The following LRP8 variants were observed in gnomAD, a reference collection of about 807,000 sequenced individuals.
LRP8 encodes the protein LDL receptor related protein 8, also known as low-density lipoprotein receptor-related protein 8.
A neutral mutation model predicts 111.6 loss-of-function variants in LRP8; 46 were observed. The ratio of observed to expected loss-of-function variants is 0.41; its 90% CI spans 0.33 to 0.53. LRP8 has a LOEUF of 0.53. Ranked by LOEUF, LRP8 falls within the 20% of genes least tolerant of loss-of-function variation. The pLI is 0.20. For missense variants in LRP8, 959 were observed against 1,297.4 expected (o/e 0.74, Z 4.01); for synonymous variants, 464 against 511.2 (o/e 0.91, Z 1.24).
In LRP8 at chr1:53,279,629, G is replaced by T. The variant is rs1004070846; in HGVS notation, c.496+958C>A. 6.6e-6 allele frequency among the ~76,000 whole-genome samples: 1 copy of T among 152,214 alleles called. No homozygotes were observed. The highest frequency in any genetic ancestry group is 2.4e-5 in the African/African-American group (1 of 41,452). On this transcript the variant is annotated intron_variant, in intron 4 of 18. Coordinates refer to ENST00000306052, the MANE Select transcript of LRP8 (RefSeq NM_004631.5). This position sits in a 1 kb window ranked among gnomAD's most constrained non-coding sequence, Gnocchi z 4.4. Reference sequence around the variant, plus strand: ...TGACGACTCAGACACCTCTGGAGGAGATGGCATTTTCCCTGGGCCAGGAAA... The same window carrying T: ...TGACGACTCAGACACCTCTGGAGGATATGGCATTTTCCCTGGGCCAGGAAA...
In LRP8 at chr1:53,275,164, C is replaced by T. The variant is rs943493649; in HGVS notation, c.1006+467G>A. 6.6e-6 allele frequency among the ~76,000 whole-genome samples: 1 copy of T among 152,194 alleles called. No homozygotes were observed. Among genetic ancestry groups the T allele is most frequent in the Non-Finnish European group, 1.5e-5 (1 of 68,024 alleles). On this transcript the variant is annotated intron_variant, in intron 6 of 18. Coordinates refer to ENST00000306052, the MANE Select transcript of LRP8 (RefSeq NM_004631.5). The surrounding 1 kb of genome is among the most constrained non-coding windows in gnomAD (Gnocchi z 4.4). ...TGGGGGGACTTTGCCCCATGGACCC[C>T]GGATAGGGGAAGTTGCTACACTGCC...
chr1:53,320,014 C>T, intron 2 of LRP8, among the ~76,000 whole-genome samples: 1 of 152,282 alleles, frequency 6.6e-6, no homozygotes, highest in East Asian at 1.9e-4. Flanking sequence ...AGCGGGGCCA[C>T]CCGGGGCAAG....
chr1:53,255,044 A>C, intron 16 of LRP8, 73 bp downstream of exon 16: 1 of 1,495,050 alleles, frequency 6.7e-7, no homozygotes, highest in East Asian at 2.3e-5. Context: ...CAAGTTCTCT[A>C]CCCTGCTAGC....
At position 53,326,932 on chromosome 1, in the gene LRP8, G is replaced by A. The variant is rs1255303835; in HGVS notation, c.185C>T (p.Ser62Phe). ...FQCRNERCIPSVWRCDEDDDC... is the reference protein window; with the variant it reads ...FQCRNERCIPFVWRCDEDDDC... ...ATCGTCCTCGTCGCATCTCCACACA[G>A]AGGGGATGCAGCGCTCGTTCCGGCA... The change falls in exon 2 of 19, where the codon TCT becomes TTT. Residue 62 changes from serine (S) to phenylalanine (F), a missense_variant. This residue lies in a region of LRP8 where 97 missense variants were observed against 107.5 expected (regional missense o/e 0.90). Transcript: ENST00000306052. The A allele has an allele frequency of 6.2e-7, 1 of 1,613,966 alleles. No individual in the cohort carries two copies. Among genetic ancestry groups the A allele is most frequent in the Non-Finnish European group, 8.5e-7 (1 of 1,179,998 alleles).
chr1:53,274,775 T>A (rs1646866590), intron 6 of LRP8: 1 of 456,320 alleles, frequency 2.2e-6, no homozygotes, highest in East Asian at 7.0e-5. Flanking sequence ...GTCCACGCGC[T>A]TGCCACTCTT....
chr1:53,315,010 G>A (rs1018380131), intron 2 of LRP8, among the ~76,000 whole-genome samples: 2 of 152,194 alleles, frequency 1.3e-5, no homozygotes, highest in Non-Finnish European at 2.9e-5. Flanking sequence ...CCATGTCACA[G>A]GCCTGTGTCC....
chr1:53,319,016 A>C (rs11206142), intron 2 of LRP8, among the ~76,000 whole-genome samples: 5,215 of 152,250 alleles, frequency 0.034, 271 homozygotes, highest in African/African-American at 0.11. Context: ...GAAGTTACTT[A>C]CCCTGGAAAA....
At chr1:53,251,072 A>G (rs1250718875) in intron 16 of LRP8, among the ~76,000 whole-genome samples, 1 of 152,188 alleles carries the variant, frequency 6.6e-6, no homozygotes. Context: ...TTCAAATGTG[A>G]AGTCTTCCCC....
chr1:53,282,950 G>A (rs981532174), intron 3 of LRP8, among the ~76,000 whole-genome samples: 6 of 152,178 alleles, frequency 3.9e-5, no homozygotes, highest in Admixed American at 1.3e-4. Context: ...CCTCTCAAGG[G>A]AGGGGGAGGG....
At chr1:53,274,831 G>A (rs766352850) in intron 6 of LRP8, 33 of 456,186 alleles carry the variant, frequency 7.2e-5, no homozygotes, top group Admixed American at 1.2e-4. Context: ...CTGTTGGGCC[G>A]GACAAGAGAG....
intron 2 of LRP8, among the ~76,000 whole-genome samples, chr1:53,313,065 T>C (rs1653295512): frequency 6.6e-6 from 1 of 152,196 alleles, no homozygotes; most frequent in African/African-American, 2.4e-5. Flanking sequence ...GGGCCATGTC[T>C]GATCCCAGCC....
chr1:53,276,183 C>T (rs1201368556), intron 5 of LRP8, among the ~76,000 whole-genome samples: 1 of 151,980 alleles, frequency 6.6e-6, no homozygotes, highest in Non-Finnish European at 1.5e-5. Context: ...CTCCTAAGAG[C>T]CTCCTCATCC....
intron 2 of LRP8, among the ~76,000 whole-genome samples, chr1:53,325,252 G>T (rs1654988469): frequency 6.6e-6 from 1 of 152,204 alleles, no homozygotes; most frequent in Admixed American, 6.5e-5. Flanking sequence ...TTAAGTTCAG[G>T]CTCCTACTTA....
intron 6 of LRP8, among the ~76,000 whole-genome samples, chr1:53,273,179 G>A (rs753284558): frequency 1.3e-5 from 2 of 152,152 alleles, no homozygotes; most frequent in Admixed American, 6.5e-5. Flanking sequence ...TTCCGCTGGG[G>A]AGCCAGGAGA....
rs1187470935 is a variant in LRP8 at position 53,279,215 on chromosome 1, A to G, written c.496+1372T>C. On this transcript the variant is annotated intron_variant, in intron 4 of 18. Transcript: ENST00000306052. This position sits in a 1 kb window ranked among gnomAD's most constrained non-coding sequence, Gnocchi z 4.4. ...TACTCCTAGCACTCACAAACGGAAG[A>G]AGCTCTGAGAGATGAGGGGTGGGAG... Among the ~76,000 whole-genome samples the G allele has an allele frequency of 6.6e-6, 1 of 152,056 alleles. No homozygotes were observed. Among genetic ancestry groups the G allele is most frequent in the Non-Finnish European group, 1.5e-5 (1 of 67,998 alleles).
At chr1:53,297,492 G>A (rs1649974659) in intron 2 of LRP8, among the ~76,000 whole-genome samples, 1 of 152,180 alleles carries the variant, frequency 6.6e-6, no homozygotes, top group Non-Finnish European at 1.5e-5. Context: ...TGCCCAGCGG[G>A]CTCTGGGGCT....
Position 53,249,614 on chromosome 1 carries a change from T to A in LRP8, c.2677-58A>T. On this transcript the variant is annotated intron_variant, in intron 17 of 18. Coordinates refer to ENST00000306052, the MANE Select transcript of LRP8 (RefSeq NM_004631.5). This position sits in a 1 kb window ranked among gnomAD's most constrained non-coding sequence, Gnocchi z 4.1. ...GAGGTCACACTCAGCCCCCTGACTG[T>A]GCTGTATAACAGTGACACCTGCTGT... is the stretch of plus-strand genomic sequence containing the variant. 3 of 1,511,430 alleles carry A rather than the reference T, an allele frequency of 2.0e-6. No homozygotes were observed. In the South Asian group the frequency reaches 3.9e-5, roughly 20 times the overall value. 93.6% of individuals were successfully genotyped at this position (1,511,430 alleles called of 1,614,324 possible). A position where few individuals can be genotyped will look rare whatever the true frequency, so the allele number is the denominator to read the frequency against.
chr1:53,284,752 C>T (rs1290384174), intron 3 of LRP8, among the ~76,000 whole-genome samples: 2 of 152,188 alleles, frequency 1.3e-5, no homozygotes, highest in Non-Finnish European at 2.9e-5. Flanking sequence ...ATTATAGGTT[C>T]TCAAGGATTC....
chr1:53,326,073 G>C (rs539573440), intron 2 of LRP8, among the ~76,000 whole-genome samples: 68 of 152,342 alleles, frequency 4.5e-4, no homozygotes, highest in African/African-American at 1.5e-3. Context: ...CGGGCTTCTC[G>C]GGCCCCTTCC....
Sources: gnomAD v4.1 joint callset for allele counts (sites outside exome capture counted in the v4.1 genomes callset) on GRCh38, gnomAD v4.1.1 for gene constraint, gnomAD v4.1.1 regional missense constraint, Gnocchi (gnomAD v3.1) non-coding constraint, MANE v1.5 for transcripts, NCBI Gene and HGNC (gene_info 2026-07-23, HGNC 2026-07-21) for gene names.